LARP4B: variants seen among roughly 807,000 people sequenced by gnomAD.
LARP4B encodes the protein La ribonucleoprotein 4B.
LARP4B carries 12 observed loss-of-function variants against 89.8 expected under a neutral mutation model. The observed-to-expected ratio is 0.13, with a 90% CI of 0.09 to 0.22. LARP4B has a LOEUF of 0.22. Among genes scored for constraint, LARP4B ranks in the 10% least tolerant of loss-of-function variants. LARP4B has a pLI of 1.00. For missense variants in LARP4B, 757 were observed against 947.7 expected (o/e 0.80, Z 2.64); for synonymous variants, 367 against 363.3 (o/e 1.01, Z -0.12).
rs149101869 is a variant in LARP4B at position 848,905 on chromosome 10, A to G, written c.431-3850T>C. 4.3e-4 allele frequency among the ~76,000 whole-genome samples: 65 copies of G among 152,284 alleles called. 1 individual carries two copies. In the East Asian group the frequency reaches 0.011, roughly 26 times the overall value. On this transcript the variant is annotated intron_variant, in intron 5 of 17. Transcript: ENST00000316157. ...ATGCTGTTTTGCTTGTTACAGTTTC[A>G]ATCTCTTTTAAAAATAACTGACTTT...
At chr10:853,072 T>A (rs1200343974) in intron 5 of LARP4B, among the ~76,000 whole-genome samples, 1 of 152,192 alleles carries the variant, frequency 6.6e-6, no homozygotes, top group Non-Finnish European at 1.5e-5. Context: ...CTCAGCACTT[T>A]GTAGATATTA....
At chr10:904,064 C>T (rs760807959) in intron 1 of LARP4B, among the ~76,000 whole-genome samples, 6 of 152,152 alleles carry the variant, frequency 3.9e-5, no homozygotes, top group Non-Finnish European at 7.4e-5. Flanking sequence ...AAATCTAAAA[C>T]TTTTTGAGCA....
chr10:947,422 G>C, the LARP4B span, among the ~76,000 whole-genome samples: 2 of 151,978 alleles, frequency 1.3e-5, no homozygotes, highest in African/African-American at 4.8e-5. Context: ...TCACAACCCC[G>C]TCCCAGGCAG....
chr10:914,533 G>C (rs1419871031), intron 1 of LARP4B, among the ~76,000 whole-genome samples: 1 of 147,178 alleles, frequency 6.8e-6, no homozygotes, highest in African/African-American at 2.5e-5. Flanking sequence ...GTGGTGGCTC[G>C]CACCCGTAAT....
At chr10:883,348 C>G (rs1294003937) in intron 3 of LARP4B, among the ~76,000 whole-genome samples, 2 of 152,004 alleles carry the variant, frequency 1.3e-5, no homozygotes, top group African/African-American at 2.4e-5. Flanking sequence ...CATGTCTCTA[C>G]TGAAAACACA....
intron 5 of LARP4B, among the ~76,000 whole-genome samples, chr10:861,484 A>G (rs1167303308): frequency 4.0e-5 from 6 of 150,586 alleles, no homozygotes; most frequent in South Asian, 4.2e-4. Context: ...GACAAAGCAG[A>G]AGGTATTCTT....
At chr10:976,152 C>A in the LARP4B span, among the ~76,000 whole-genome samples, 3 of 144,098 alleles carry the variant, frequency 2.1e-5, no homozygotes, top group Non-Finnish European at 4.7e-5. Context: ...GTAGGCCTGT[C>A]GCGTAAGGTG....
chr10:927,188 T>C (rs1837165609), intron 1 of LARP4B, among the ~76,000 whole-genome samples: 1 of 151,964 alleles, frequency 6.6e-6, no homozygotes, highest in African/African-American at 2.4e-5. Context: ...TCCTTTATGG[T>C]TGAAATAGGA....
At chr10:960,395 C>T in the LARP4B span, among the ~76,000 whole-genome samples, 10 of 151,914 alleles carry the variant, frequency 6.6e-5, no homozygotes, top group East Asian at 9.6e-4. Flanking sequence ...GGACTAAGAA[C>T]GGGAGGGAGG....
At chr10:878,347 A>G (rs1172714490) in intron 3 of LARP4B, among the ~76,000 whole-genome samples, 2 of 152,206 alleles carry the variant, frequency 1.3e-5, no homozygotes, top group African/African-American at 2.4e-5. Context: ...GCAGCTGTCC[A>G]GGTGAGAAGC....
intron 5 of LARP4B, among the ~76,000 whole-genome samples, chr10:861,953 T>A (rs191256304): frequency 8.5e-5 from 13 of 152,318 alleles, no homozygotes; most frequent in African/African-American, 2.2e-4. Flanking sequence ...ATTCCTTTCC[T>A]TTGCCATCTT....
the LARP4B span, among the ~76,000 whole-genome samples, chr10:982,251 C>G: frequency 6.6e-6 from 1 of 151,780 alleles, no homozygotes; most frequent in Non-Finnish European, 1.5e-5. Flanking sequence ...GTAACTATGC[C>G]CAACTAGGTT....
rs1208502057 is a variant in LARP4B at position 864,156 on chromosome 10, C to A, written c.256G>T (p.Val86Leu). ...CCACGGTCTGCGTGGTGGCCAGCCA[C>A]CTCCTCCCATGCAGCACTCACACCG... ...ADGVSAAWEEVAGHHADRGPQ... is the reference protein window; with the variant it reads ...ADGVSAAWEELAGHHADRGPQ... The change falls in exon 4 of 18, where the codon GTG becomes TTG. Residue 86 changes from valine to leucine, a missense_variant. Physicochemically the swap from Val to Leu is conservative, Grantham distance 32 (BLOSUM62 1). This residue lies in a region of LARP4B where 175 missense variants were observed against 187.0 expected (regional missense o/e 0.94). Transcript: ENST00000316157. 1 of 1,614,220 alleles carries A rather than the reference C, an allele frequency of 6.2e-7. No individual in the cohort carries two copies. The highest frequency in any genetic ancestry group is 1.7e-5 in the Admixed American group (1 of 60,032).
intron 6 of LARP4B, among the ~76,000 whole-genome samples, 173 bp downstream of exon 6, chr10:844,804 C>T (rs79012468): frequency 0.011 from 1,733 of 152,056 alleles, 31 homozygotes; most frequent in African/African-American, 0.039. Flanking sequence ...ATGAAGGTTA[C>T]GTTCCATGCT....
chr10:863,372 G>A (rs1468437985), intron 5 of LARP4B, among the ~76,000 whole-genome samples: 1 of 151,788 alleles, frequency 6.6e-6, no homozygotes, highest in Non-Finnish European at 1.5e-5. Flanking sequence ...ACAGGCGCCC[G>A]CCACCACGCC....
chr10:970,055 C>G, the LARP4B span, among the ~76,000 whole-genome samples: 2 of 152,162 alleles, frequency 1.3e-5, no homozygotes. Context: ...CCAGGGCCGT[C>G]GGGCAGTGAC....
the LARP4B span, among the ~76,000 whole-genome samples, chr10:953,716 G>A: frequency 6.6e-6 from 1 of 152,278 alleles, no homozygotes; most frequent in African/African-American, 2.4e-5. Flanking sequence ...GGGCCCCAGT[G>A]TGTAATTGGC....
chr10:839,890 A>C (rs1020366173), intron 7 of LARP4B, among the ~76,000 whole-genome samples: 1 of 152,220 alleles, frequency 6.6e-6, no homozygotes, highest in Non-Finnish European at 1.5e-5. Context: ...GCAATAACCT[A>C]AATGTCTATA....
the LARP4B span, among the ~76,000 whole-genome samples, chr10:966,404 C>G: frequency 6.6e-6 from 1 of 152,190 alleles, no homozygotes; most frequent in Admixed American, 6.5e-5. Context: ...TGCAGTGAGC[C>G]ATGATCGCAC....
Sources: allele counts gnomAD v4.1 joint callset (sites outside exome capture counted in the v4.1 genomes callset), GRCh38; gene constraint gnomAD v4.1.1; regional missense constraint gnomAD v4.1.1; transcripts MANE v1.5; gene names NCBI Gene and HGNC (gene_info 2026-07-23, HGNC 2026-07-21).